The following SEMA4F variants were observed in gnomAD, a reference collection of about 807,000 sequenced individuals.
SEMA4F encodes the protein semaphorin-4F.
In SEMA4F, 51 loss-of-function variants were observed where a neutral mutation model predicts 78.4. That is an observed-to-expected ratio of 0.65 (90% CI 0.52 to 0.82). SEMA4F has a LOEUF of 0.82. Ranked by LOEUF, SEMA4F falls within the 40% of genes least tolerant of loss-of-function variation. The pLI is 0.00. For missense variants in SEMA4F, 938 were observed against 1,014.4 expected (o/e 0.92, Z 1.02); for synonymous variants, 418 against 408.7 (o/e 1.02, Z -0.27).
rs376495507 is a variant in SEMA4F, at chr2:74,679,583, T to C, written c.1703-16T>C. 1.3e-6 allele frequency: 2 copies of C among 1,582,934 alleles called. No homozygotes were observed. The highest frequency in any genetic ancestry group is 1.7e-6 in the Non-Finnish European group (2 of 1,162,844). ...TTTAGCCTCACCTCCTTTTGTGCCT[T>C]TGCTGTTTCTCACAGAACGTCCAGT... On this transcript the variant is annotated splice_polypyrimidine_tract_variant and intron_variant, in intron 13 of 13. Transcript: ENST00000357877.
rs770864549 is a variant in SEMA4F at position 74,673,807 on chromosome 2, A to G, written c.801A>G (p.Pro267=). Reference sequence around the variant, plus strand: ...ACTCATACGAGCGCATTAAAGTCCCACGGGTGGCCCGTGTGTGTGCGGTGA... The same window carrying G: ...ACTCATACGAGCGCATTAAAGTCCCGCGGGTGGCCCGTGTGTGTGCGGTGA... ...AFDSYERIKV[P]RVARVCAGDL... Residue 267 remains proline (P), a synonymous_variant, in exon 7 of 14, where the codon CCA becomes CCG. Coordinates refer to ENST00000357877, the MANE Select transcript of SEMA4F (RefSeq NM_004263.5). 4.3e-6 allele frequency: 7 copies of G among 1,613,982 alleles called. No homozygotes were observed. In the South Asian group the frequency reaches 5.5e-5, roughly 13 times the overall value.
rs1418969469 is a variant in SEMA4F at position 74,679,304 on chromosome 2, G to A, written c.1672G>A (p.Val558Ile). The change falls in exon 13 of 14, where the codon GTC becomes ATC. Residue 558 changes from valine to isoleucine, a missense_variant. By Grantham distance (29) the Val-to-Ile change is conservative. Coordinates refer to ENST00000357877, the MANE Select transcript of SEMA4F (RefSeq NM_004263.5). ...GGTCCAAGACATAGAGTCAGCAGAT[G>A]TCTCCTCTTTGTGTCCTAAAGAGCC... is the stretch of plus-strand genomic sequence containing the variant. ...GLVQDIESAD[V>I]SSLCPKEPGE... The A allele has an allele frequency of 3.1e-6, 5 of 1,613,402 alleles. No homozygotes were observed. Among genetic ancestry groups the A allele is most frequent in the Non-Finnish European group, 4.2e-6 (5 of 1,179,440 alleles).
chr2:74,663,939 G>A (rs994280795), intron 5 of SEMA4F, among the ~76,000 whole-genome samples: 1 of 152,238 alleles, frequency 6.6e-6, no homozygotes, highest in African/African-American at 2.4e-5. Flanking sequence ...AGGGGAGTCA[G>A]TAATGACTAT....
At position 74,680,186 on chromosome 2, in the gene SEMA4F, A is replaced by G; in HGVS notation, c.2290A>G (p.Thr764Ala). Residue 764 changes from threonine (T) to alanine (A), a missense_variant, in exon 14 of 14, where the codon ACA (threonine) becomes GCA (alanine). Transcript: ENST00000357877. ...TCGGCTAACTGGGGCTCCTCTAGCC[A>G]CATGTGATGAAACATCCATCTAGAG... The part of the protein sequence containing the change: ...HIRLTGAPLA[T>A]CDETSI 6.3e-7 allele frequency: 1 copy of G among 1,581,868 alleles called. No individual in the cohort carries two copies. The highest frequency in any genetic ancestry group is 1.1e-5 in the South Asian group (1 of 87,224).
intron 5 of SEMA4F, among the ~76,000 whole-genome samples, chr2:74,667,164 C>T (rs866511290): frequency 6.6e-6 from 1 of 152,302 alleles, no homozygotes; most frequent in Middle Eastern, 3.4e-3. Flanking sequence ...GTGCTGCATA[C>T]ACAGATGGAT....
the SEMA4F span, among the ~76,000 whole-genome samples, chr2:74,695,400 C>T: frequency 6.6e-6 from 1 of 152,240 alleles, no homozygotes; most frequent in East Asian, 1.9e-4. Context: ...ACTCCCCTGT[C>T]TGGACTTTTG....
Position 74,682,014 on chromosome 2 carries a change from T to C in SEMA4F, c.*1805T>C, listed in dbSNP as rs1685644937. The C allele has an allele frequency of 6.6e-6, 1 of 152,428 alleles. No homozygotes were observed. Among genetic ancestry groups the C allele is most frequent in the Non-Finnish European group, 1.5e-5 (1 of 68,050 alleles). The allele number at this position is 152,428 out of a possible 1,614,324, so 9.4% of individuals were successfully genotyped here. A position where few individuals can be genotyped will look rare whatever the true frequency, so the allele number is the denominator to read the frequency against. ...ACCTACCTCAGGGTTGCTTCAAGGA[T>C]TAAATGAGAAAATATGTCAACAATA... On this transcript the variant is annotated 3_prime_UTR_variant, in exon 14 of 14. Coordinates refer to ENST00000357877, the MANE Select transcript of SEMA4F (RefSeq NM_004263.5).
intron 5 of SEMA4F, among the ~76,000 whole-genome samples, chr2:74,668,649 C>T (rs1200775241): frequency 2.7e-5 from 4 of 148,752 alleles, no homozygotes; most frequent in African/African-American, 7.4e-5. Flanking sequence ...CTTGCTCTGT[C>T]GCCCAGGCTG....
intron 12 of SEMA4F, 109 bp from the exon 13 acceptor site, chr2:74,679,167 G>A (rs1685440093): frequency 2.2e-6 from 2 of 903,414 alleles, no homozygotes; most frequent in Admixed American, 3.6e-5. Flanking sequence ...TTTCTGGAGT[G>A]ATTTCTGGGA....
At chr2:74,655,580 G>A (rs186788756) in intron 1 of SEMA4F, among the ~76,000 whole-genome samples, 1 of 152,230 alleles carries the variant, frequency 6.6e-6, no homozygotes, top group Non-Finnish European at 1.5e-5. Context: ...AGAAGGCGAA[G>A]TTGTGGCCAG....
At chr2:74,673,625 T>C in intron 6 of SEMA4F, 49 bp downstream of exon 6, 4 of 1,613,080 alleles carry the variant, frequency 2.5e-6, no homozygotes, top group South Asian at 1.1e-5. Flanking sequence ...GGGTGGAGTC[T>C]GGGAAGTCCT....
At chr2:74,695,217 G>A in the SEMA4F span, among the ~76,000 whole-genome samples, 77 of 152,320 alleles carry the variant, frequency 5.1e-4, no homozygotes, top group African/African-American at 1.8e-3. Context: ...CCAGATGTGA[G>A]TCGAGTTGCC....
At chr2:74,694,010 C>A in the SEMA4F span, among the ~76,000 whole-genome samples, 1 of 152,128 alleles carries the variant, frequency 6.6e-6, no homozygotes, top group South Asian at 2.1e-4. Context: ...AAGCTTTCAG[C>A]CTTTTAGAGA....
At chr2:74,673,134 A>G (rs540874812) in intron 5 of SEMA4F, among the ~76,000 whole-genome samples, 47 of 152,308 alleles carry the variant, frequency 3.1e-4, no homozygotes, top group African/African-American at 1.1e-3. Context: ...TACAATCAGC[A>G]CATTACAGGA....
downstream of SEMA4F, among the ~76,000 whole-genome samples, chr2:74,686,693 C>T (rs540589582): frequency 8.1e-4 from 123 of 152,272 alleles, no homozygotes; most frequent in Middle Eastern, 6.8e-3. Flanking sequence ...GAATACTATG[C>T]AGCCGTAAAA....
chr2:74,702,318 A>G, the SEMA4F span, among the ~76,000 whole-genome samples: 1 of 152,202 alleles, frequency 6.6e-6, no homozygotes, highest in Non-Finnish European at 1.5e-5. Flanking sequence ...CTCTGCCCTG[A>G]AACCTGTTCT....
At chr2:74,679,408 G>C (rs1463506615) in intron 13 of SEMA4F, 74 bp downstream of exon 13, 6 of 1,494,970 alleles carry the variant, frequency 4.0e-6, no homozygotes, top group Non-Finnish European at 5.6e-6. Context: ...TGTTCATTTT[G>C]GAACGATTCT....
At chr2:74,697,921 G>T in the SEMA4F span, among the ~76,000 whole-genome samples, 1 of 152,168 alleles carries the variant, frequency 6.6e-6, no homozygotes, top group South Asian at 2.1e-4. Flanking sequence ...AAAAAGCCCT[G>T]TGCACTGGCC....
chr2:74,692,497 T>C, the SEMA4F span, among the ~76,000 whole-genome samples: 1 of 152,160 alleles, frequency 6.6e-6, no homozygotes, highest in Non-Finnish European at 1.5e-5. Flanking sequence ...TTTGGAGGCT[T>C]CAGACTGCCA....
Sources: gnomAD v4.1 joint callset for allele counts (sites outside exome capture counted in the v4.1 genomes callset) on GRCh38, gnomAD v4.1.1 for gene constraint, MANE v1.5 for transcripts, NCBI Gene and HGNC (gene_info 2026-07-23, HGNC 2026-07-21) for gene names.